Variants in ABCG2 observed in about 807,000 individuals in gnomAD.
The protein encoded by ABCG2 is broad substrate specificity ATP-binding cassette transporter ABCG2.
Under a neutral mutation model 73.5 loss-of-function variants are expected in ABCG2, and 80 were observed. The ratio of observed to expected loss-of-function variants is 1.09; its 90% CI spans 0.91 to 1.31. The LOEUF is 1.31. ABCG2 is among the 50% of genes most tolerant of loss of function. The pLI is 0.00. For missense variants in ABCG2, 796 were observed against 786.2 expected (o/e 1.01, Z -0.15); for synonymous variants, 269 against 282.4 (o/e 0.95, Z 0.48).
rs566539861 is a variant in ABCG2, at chr4:88,136,907, G to A, written c.203+2886C>T. On this transcript the variant is annotated intron_variant, in intron 2 of 15. Transcript: ENST00000237612. ...GGTGGGCACCTGTAGTCCCAGCTAG[G>A]AGGCTGAGGCAGGAGAATCTCTTGA... 5.3e-4 allele frequency among the ~76,000 whole-genome samples: 80 copies of A among 151,310 alleles called. 1 individual carries two copies. The highest frequency in any genetic ancestry group is 6.9e-3 in the Middle Eastern group (2 of 290).
upstream of ABCG2, among the ~76,000 whole-genome samples, chr4:88,159,481 T>A (rs1010505039): frequency 2.6e-5 from 4 of 152,242 alleles, no homozygotes. Context: ...CTCCTGTGAC[T>A]GACATACTTC....
rs532768088 is a variant in ABCG2 at position 88,168,461 on chromosome 4, T to G, written c.-19-28447A>C. On this transcript the variant is annotated intron_variant, in intron 1 of 15. Coordinates refer to the ABCG2 transcript ENST00000515655. ...GGGATCTCGCCACTGCACTCCACCC[T>G]GGTGACAGAGCTAGGCTTCCTCTCA... Among the ~76,000 whole-genome samples, 3 of 149,322 alleles carry G rather than the reference T, an allele frequency of 2.0e-5. No homozygotes were observed. In the South Asian group the frequency reaches 6.4e-4, roughly 32 times the overall value.
chr4:88,164,170 G>A (rs567535976), upstream of ABCG2, among the ~76,000 whole-genome samples: 18 of 152,024 alleles, frequency 1.2e-4, no homozygotes, highest in South Asian at 3.7e-3. Context: ...GGGTTCAAGC[G>A]ATTCTACTGC....
chr4:88,107,326 T>C (rs2231148), intron 9 of ABCG2, 60 bp from the exon 10 acceptor site: 9 of 1,174,062 alleles, frequency 7.7e-6, no homozygotes, highest in Admixed American at 2.2e-5. Flanking sequence ...TAAAAACTTA[T>C]ACACACCATT....
Position 88,125,555 on chromosome 4 carries a change from C to T in ABCG2, c.532-3763G>A, listed in dbSNP as rs368329740. Among the ~76,000 whole-genome samples, 193 of 126,336 alleles carry T rather than the reference C, an allele frequency of 1.5e-3. 3 individuals carry two copies. Among genetic ancestry groups the T allele is most frequent in the South Asian group, 0.014 (54 of 3,796 alleles). The allele number at this position is 126,336 out of a possible 152,430, so 82.9% of individuals were successfully genotyped here. On this transcript the variant is annotated intron_variant, in intron 5 of 15. Transcript: ENST00000237612. ...CCCAGGAGGTGGAGCTTGCAGTGAG[C>T]TGAGACTGCACCACTGCACTCCAGC... is the stretch of plus-strand genomic sequence containing the variant.
intron 12 of ABCG2, among the ~76,000 whole-genome samples, chr4:88,098,476 G>A (rs370202621): frequency 1.1e-4 from 16 of 151,288 alleles, no homozygotes; most frequent in Admixed American, 6.6e-4. Context: ...AAAAGGCACC[G>A]TCTTTCTCTC....
intron 1 of ABCG2, among the ~76,000 whole-genome samples, chr4:88,178,247 A>G (rs1728088126): frequency 6.6e-5 from 10 of 152,282 alleles, no homozygotes; most frequent in Admixed American, 6.5e-4. Context: ...CCACAGTAGA[A>G]TAGGGAACCA....
chr4:88,188,402 T>C (rs957034057), intron 1 of ABCG2, among the ~76,000 whole-genome samples: 10 of 152,088 alleles, frequency 6.6e-5, no homozygotes, highest in South Asian at 2.1e-4. Flanking sequence ...TTTTTTAATT[T>C]AATAGAGATG....
At chr4:88,168,482 T>C (rs933846203) in intron 1 of ABCG2, among the ~76,000 whole-genome samples, 4 of 110,442 alleles carry the variant, frequency 3.6e-5, no homozygotes, top group Non-Finnish European at 7.7e-5. Context: ...CTAGGCTTCC[T>C]CTCAAAAAAA....
chr4:88,192,191 A>G (rs1019507241), intron 1 of ABCG2, among the ~76,000 whole-genome samples: 1 of 152,048 alleles, frequency 6.6e-6, no homozygotes, highest in African/African-American at 2.4e-5. Flanking sequence ...AAGAAAAAAA[A>G]AAAAAAGAAA....
rs1553945717 is a variant in ABCG2 at position 88,202,354 on chromosome 4, T to TATATATAATTG, written c.-20+28639_-20+28640insCAATTATATAT. The stretch of plus-strand genomic sequence containing the variant: ...AGGAGGACCCCATCTCTACAATTAT[T>TATATATAATTG]TATATATATATATATATATATATGT... On this transcript the variant is annotated intron_variant, in intron 1 of 15. Coordinates refer to the ABCG2 transcript ENST00000515655. Among the ~76,000 whole-genome samples, 37 of 62,078 alleles carry TATATATAATTG rather than the reference T, an allele frequency of 6.0e-4. 2 individuals are homozygous for TATATATAATTG. The East Asian group carries it at 0.021, about 36-fold the overall frequency. The allele number at this position is 62,078 out of a possible 152,430, so 40.7% of individuals were successfully genotyped here. A position where few individuals can be genotyped will look rare whatever the true frequency, so the allele number is the denominator to read the frequency against.
At chr4:88,192,265 G>A (rs1056633573) in intron 1 of ABCG2, among the ~76,000 whole-genome samples, 10 of 152,096 alleles carry the variant, frequency 6.6e-5, no homozygotes, top group Non-Finnish European at 8.8e-5. Flanking sequence ...GGAATCTTTT[G>A]GGGGTGATAG....
chr4:88,215,765 C>G (rs998593955), intron 1 of ABCG2, among the ~76,000 whole-genome samples: 3 of 152,148 alleles, frequency 2.0e-5, no homozygotes, highest in Admixed American at 2.0e-4. Context: ...TGATGGGGTC[C>G]TGAAAAATCA....
intron 1 of ABCG2, among the ~76,000 whole-genome samples, chr4:88,172,996 T>G (rs1241063598): frequency 6.6e-6 from 1 of 152,186 alleles, no homozygotes; most frequent in East Asian, 1.9e-4. Context: ...TCCTGTTCCA[T>G]TAGTGATCTT....
intron 1 of ABCG2, among the ~76,000 whole-genome samples, chr4:88,140,649 T>C (rs1375975050): frequency 6.6e-6 from 1 of 152,088 alleles, no homozygotes; most frequent in Non-Finnish European, 1.5e-5. Flanking sequence ...AAAGAAACTC[T>C]ATTTTTTTTA....
At chr4:88,200,240 A>C (rs982786657) in intron 1 of ABCG2, among the ~76,000 whole-genome samples, 1 of 151,980 alleles carries the variant, frequency 6.6e-6, no homozygotes, top group African/African-American at 2.4e-5. Context: ...AGATGGGAGG[A>C]TCACTTGAGC....
intron 11 of ABCG2, among the ~76,000 whole-genome samples, chr4:88,100,417 C>T (rs367869709): frequency 4.6e-5 from 7 of 151,338 alleles, no homozygotes; most frequent in Admixed American, 2.6e-4. Context: ...GGAGGAGAAT[C>T]GCTTGAACCC....
At chr4:88,172,293 A>AT (rs1727786116) in intron 1 of ABCG2, among the ~76,000 whole-genome samples, 2 of 90,452 alleles carry the variant, frequency 2.2e-5, no homozygotes, top group South Asian at 7.1e-4. Context: ...AAGCTCCGTC[A>AT]CAAAAAAAAA....
chr4:88,106,284 C>A (rs1469573056), intron 10 of ABCG2, among the ~76,000 whole-genome samples: 1 of 152,116 alleles, frequency 6.6e-6, no homozygotes, highest in Admixed American at 6.6e-5. Flanking sequence ...ACTACAGACA[C>A]ATGCCACCAC....
Sources: gnomAD v4.1 joint callset for allele counts (sites outside exome capture counted in the v4.1 genomes callset) on GRCh38, gnomAD v4.1.1 for gene constraint, MANE v1.5 for transcripts, NCBI Gene and HGNC (gene_info 2026-07-23, HGNC 2026-07-21) for gene names.